Variants in STX18 observed in about 807,000 individuals in gnomAD.
The protein encoded by STX18 is syntaxin 18, also known as syntaxin-18.
In STX18, 40 loss-of-function variants were observed where a neutral mutation model predicts 50.1. The observed-to-expected ratio is 0.80, with a 90% confidence interval of 0.62 to 1.04. STX18 has a LOEUF of 1.04. STX18 is among the 50% of genes least tolerant of loss of function. The pLI, the probability that STX18 is intolerant of heterozygous loss-of-function variation, is 0.00. For synonymous variants in STX18, 158 were observed against 151.8 expected, an observed-to-expected ratio of 1.04 and a Z score of -0.30; for missense variants, 410 against 415.8, an observed-to-expected ratio of 0.99 and a Z score of 0.12.
At chr4:4,506,389 A>T (rs945446533) in intron 1 of STX18, among the ~76,000 whole-genome samples, 2 of 152,260 alleles carry the variant, frequency 1.3e-5, no homozygotes, top group African/African-American at 4.8e-5. Flanking sequence ...ACACATCTAG[A>T]ATCAACCTTA....
chr4:4,480,353 G>A (rs951561019), intron 1 of STX18, among the ~76,000 whole-genome samples: 1 of 152,132 alleles, frequency 6.6e-6, no homozygotes, highest in Non-Finnish European at 1.5e-5. Context: ...AGGCCCGCCA[G>A]TGCCCTACGC....
intron 1 of STX18, among the ~76,000 whole-genome samples, chr4:4,506,366 A>G (rs1002199826): frequency 1.5e-4 from 23 of 152,262 alleles, no homozygotes; most frequent in African/African-American, 5.3e-4. Context: ...TAAAGAAGGA[A>G]CTATTGATAC....
chr4:4,469,106 G>C (rs780158944), intron 2 of STX18, among the ~76,000 whole-genome samples: 4 of 152,184 alleles, frequency 2.6e-5, no homozygotes, highest in Non-Finnish European at 4.4e-5. Flanking sequence ...GGAAGTCACA[G>C]ATGAGCATTA....
intron 1 of STX18, among the ~76,000 whole-genome samples, chr4:4,488,553 C>T (rs11940730): frequency 0.2 from 30,726 of 152,084 alleles, 6,187 homozygotes; most frequent in African/African-American, 0.52. Context: ...TCCTACACAG[C>T]CCATCAAGTA....
At chr4:4,494,146 G>C (rs1474587730) in intron 1 of STX18, among the ~76,000 whole-genome samples, 2 of 152,204 alleles carry the variant, frequency 1.3e-5, no homozygotes, top group East Asian at 3.8e-4. Flanking sequence ...TGAAGTGATA[G>C]AGAAGACAAA....
chr4:4,512,397 T>TG (rs1174971503), intron 1 of STX18, among the ~76,000 whole-genome samples: 2 of 152,134 alleles, frequency 1.3e-5, no homozygotes, highest in African/African-American at 2.4e-5. Flanking sequence ...TTGCTACCCC[T>TG]GGTCCATGAC....
intron 1 of STX18, among the ~76,000 whole-genome samples, chr4:4,513,840 C>G (rs1216169159): frequency 4.6e-5 from 7 of 152,152 alleles, no homozygotes; most frequent in African/African-American, 1.7e-4. Context: ...TCATAAACTT[C>G]TATTTTTTTC....
intron 1 of STX18, among the ~76,000 whole-genome samples, chr4:4,472,000 A>G (rs1727943734): frequency 1.3e-5 from 2 of 152,242 alleles, no homozygotes; most frequent in East Asian, 1.9e-4. Context: ...ATTACATAGC[A>G]TGTGTTCAAT....
intron 1 of STX18, among the ~76,000 whole-genome samples, chr4:4,498,479 G>A (rs1197015953): frequency 6.6e-6 from 1 of 152,136 alleles, no homozygotes; most frequent in Non-Finnish European, 1.5e-5. Context: ...TCAGCCCAAT[G>A]ACTGGCACAT....
intron 6 of STX18, among the ~76,000 whole-genome samples, chr4:4,437,096 A>G (rs1221808142): frequency 6.6e-6 from 1 of 151,830 alleles, no homozygotes; most frequent in Non-Finnish European, 1.5e-5. Context: ...AGTAGCTGGG[A>G]TTACAGGCGT....
Position 4,455,299 on chromosome 4 carries a change from G to T in STX18, c.497+1892C>A, listed in dbSNP as rs569399175. Among the ~76,000 whole-genome samples, 3 of 152,318 alleles carry T rather than the reference G, an allele frequency of 2.0e-5. No homozygotes were observed. In the South Asian group the frequency reaches 6.2e-4, roughly 32 times the overall value. On this transcript the variant is annotated intron_variant, in intron 5 of 10. Coordinates refer to ENST00000306200, the MANE Select transcript of STX18 (RefSeq NM_016930.4). ...TCTAAGCACAAAGACTTAATCTATG[G>T]CTTCTCTCAAGCTACCCTCTCAGTG...
chr4:4,448,196 C>T (rs1463134768), intron 5 of STX18, among the ~76,000 whole-genome samples: 1 of 152,176 alleles, frequency 6.6e-6, no homozygotes, highest in Non-Finnish European at 1.5e-5. Context: ...TTCTGTAAAT[C>T]CCATGGCAGT....
intron 7 of STX18, among the ~76,000 whole-genome samples, chr4:4,433,496 C>G (rs1234300049): frequency 7.3e-6 from 1 of 136,498 alleles, no homozygotes; most frequent in Non-Finnish European, 1.5e-5. Flanking sequence ...TACCCCTCTG[C>G]GAGAAACACC....
intron 1 of STX18, among the ~76,000 whole-genome samples, chr4:4,494,245 T>G (rs1045532923): frequency 6.6e-6 from 1 of 152,204 alleles, no homozygotes; most frequent in Non-Finnish European, 1.5e-5. Context: ...GTACATATAT[T>G]TGGGCTCACA....
intron 5 of STX18, among the ~76,000 whole-genome samples, chr4:4,440,456 G>A: frequency 6.6e-6 from 1 of 152,244 alleles, no homozygotes; most frequent in East Asian, 1.9e-4. Flanking sequence ...TGACCTCAGG[G>A]AACCTAGCTC....
chr4:4,515,021 A>C (rs1448906204), intron 1 of STX18, among the ~76,000 whole-genome samples: 1 of 152,186 alleles, frequency 6.6e-6, no homozygotes, highest in Non-Finnish European at 1.5e-5. Context: ...GAAAACATTC[A>C]ACATAAGGTA....
chr4:4,518,317 C>T (rs990827589), intron 1 of STX18, among the ~76,000 whole-genome samples: 4 of 152,160 alleles, frequency 2.6e-5, no homozygotes, highest in Non-Finnish European at 5.9e-5. Flanking sequence ...TAACAATGTT[C>T]GTCCTTACTC....
chr4:4,443,287 G>C (rs895109451), intron 5 of STX18, among the ~76,000 whole-genome samples: 12 of 152,226 alleles, frequency 7.9e-5, no homozygotes, highest in African/African-American at 2.9e-4. Flanking sequence ...CATCAACATG[G>C]AACTGGTGGA....
Position 4,457,407 on chromosome 4 carries a change from A to G in STX18, c.430+16T>C, listed in dbSNP as rs773936922. On this transcript the variant is annotated intron_variant, in intron 4 of 10. Transcript: ENST00000306200. Reference sequence around the variant, plus strand: ...TGTGAAATGTTACATTTGACCTTTAAAAGAAAATGAAATACTTTTCAAGTA... The same window carrying G: ...TGTGAAATGTTACATTTGACCTTTAGAAGAAAATGAAATACTTTTCAAGTA... 20 of 1,609,580 alleles carry G rather than the reference A, an allele frequency of 1.2e-5. No individual in the cohort carries two copies. The highest frequency in any genetic ancestry group is 3.3e-4 in the Middle Eastern group (2 of 6,064).
Sources: gnomAD v4.1 joint callset for allele counts (sites outside exome capture counted in the v4.1 genomes callset) on GRCh38, gnomAD v4.1.1 for gene constraint, MANE v1.5 for transcripts, NCBI Gene and HGNC (gene_info 2026-07-23, HGNC 2026-07-21) for gene names.